TTLL9: variants seen among roughly 807,000 people sequenced by gnomAD.
The protein encoded by TTLL9 is probable tubulin polyglutamylase TTLL9.
In TTLL9, 47 loss-of-function variants were observed where a neutral mutation model predicts 65.6. That is an observed-to-expected ratio of 0.72 (90% CI 0.57 to 0.91). The LOEUF (loss-of-function observed/expected upper bound fraction) is 0.91. Ranked by LOEUF, TTLL9 falls within the 40% of genes least tolerant of loss-of-function variation. The pLI, the probability that TTLL9 is intolerant of heterozygous loss-of-function variation, is 0.00. For missense variants in TTLL9, 537 were observed against 568.8 expected (o/e 0.94, Z 0.57); for synonymous variants, 179 against 204.8 (o/e 0.87, Z 1.07).
At position 31,870,744 on chromosome 20, in the gene TTLL9, C is replaced by A; in HGVS notation, c.-211C>A. The A allele has an allele frequency of 1.9e-6, 1 of 521,022 alleles. No individual in the cohort carries two copies. Among genetic ancestry groups the A allele is most frequent in the Non-Finnish European group, 3.1e-6 (1 of 327,096 alleles). 32.3% of individuals were successfully genotyped at this position (521,022 alleles called of 1,614,324 possible). The stretch of plus-strand genomic sequence containing the variant: ...CTTACCCCACCCTGGCACCGGCAGG[C>A]GCGGGCGGATGGGGGGATGTCGCCT... On this transcript the variant is annotated 5_prime_UTR_variant, in exon 1 of 15. Transcript: ENST00000535842. The surrounding 1 kb of genome is among the most constrained non-coding windows in gnomAD (Gnocchi z 6.6).
intron 2 of TTLL9, among the ~76,000 whole-genome samples, chr20:31,873,720 AAG>A (rs1426101706): frequency 4.3e-4 from 62 of 144,150 alleles, no homozygotes; most frequent in Non-Finnish European, 7.0e-4. Context: ...GAAAGAAAGA[AAG>A]AAAGAAAGAA....
At chr20:31,896,429 G>C (rs2063389915) in intron 3 of TTLL9, among the ~76,000 whole-genome samples, 1 of 152,166 alleles carries the variant, frequency 6.6e-6, no homozygotes, top group African/African-American at 2.4e-5. Context: ...AAATGAATGA[G>C]TGTTTAATTT....
intron 3 of TTLL9, 87 bp downstream of exon 3, chr20:31,887,326 C>T (rs2063207315): frequency 3.6e-6 from 5 of 1,383,476 alleles, no homozygotes; most frequent in Non-Finnish European, 5.1e-6. Context: ...CCCTTTTCTA[C>T]TTCAACAATT....
intron 7 of TTLL9, among the ~76,000 whole-genome samples, chr20:31,920,877 G>T (rs1370947584): frequency 6.6e-6 from 1 of 152,252 alleles, no homozygotes. Flanking sequence ...ACCCCATCAA[G>T]TGTGTGACCC....
Position 31,936,472 on chromosome 20 carries a change from T to TA in TTLL9, c.1005-911dup, listed in dbSNP as rs879370062. Among the ~76,000 whole-genome samples, 455 of 143,136 alleles carry TA rather than the reference T, an allele frequency of 3.2e-3. 2 individuals are homozygous for TA. Among genetic ancestry groups the TA allele is most frequent in the Non-Finnish European group, 4.1e-3 (264 of 65,062 alleles). 93.9% of individuals were successfully genotyped at this position (143,136 alleles called of 152,430 possible). A position where few individuals can be genotyped will look rare whatever the true frequency, so the allele number is the denominator to read the frequency against. Reference sequence around the variant, plus strand: ...GTGACAGAACTGGATTCTGACTCTTTAAAAAAAAAAAAAGTCTATTTTTGG... The same window carrying TA: ...GTGACAGAACTGGATTCTGACTCTTTAAAAAAAAAAAAAAGTCTATTTTTGG... On this transcript the variant is annotated intron_variant, in intron 12 of 14. Coordinates refer to ENST00000535842, the MANE Select transcript of TTLL9 (RefSeq NM_001008409.5).
chr20:31,907,438 C>T (rs1977093), intron 4 of TTLL9, among the ~76,000 whole-genome samples: 1 of 152,064 alleles, frequency 6.6e-6, no homozygotes, highest in Admixed American at 6.6e-5. Flanking sequence ...AAAGCCACTG[C>T]AGGCCGGGCA....
At chr20:31,942,043 A>G (rs2064219127) in intron 14 of TTLL9, among the ~76,000 whole-genome samples, 1 of 152,188 alleles carries the variant, frequency 6.6e-6, no homozygotes, top group Non-Finnish European at 1.5e-5. Flanking sequence ...TTAGGGCTGC[A>G]TGGAACTCAC....
In TTLL9 at chr20:31,925,901, G is replaced by A. The variant is rs546119339; in HGVS notation, c.706-148G>A. On this transcript the variant is annotated intron_variant, in intron 9 of 14. Coordinates refer to ENST00000535842, the MANE Select transcript of TTLL9 (RefSeq NM_001008409.5). ...ATCCCGCTGCGGGCCTGGCTCTACC[G>A]GGATGGCTTTGCCCGATTCTCCAAC... The A allele has an allele frequency of 2.1e-5, 32 of 1,551,950 alleles. 1 individual carries two copies. The highest frequency in any genetic ancestry group is 1.3e-4 in the South Asian group (11 of 84,070).
At chr20:31,901,358 G>A (rs757043043) in intron 4 of TTLL9, 1 of 152,186 alleles carries the variant, frequency 6.6e-6, no homozygotes, top group South Asian at 2.1e-4. Context: ...TTTCTCCAAT[G>A]TGGGAAACTC....
intron 2 of TTLL9, chr20:31,879,771 C>T: frequency 2.0e-6 from 3 of 1,529,920 alleles, no homozygotes; most frequent in South Asian, 1.2e-5. Context: ...GCCCTTGGCT[C>T]ATCCAATCAG....
intron 3 of TTLL9, among the ~76,000 whole-genome samples, chr20:31,898,085 G>C (rs77836593): frequency 0.044 from 6,640 of 152,238 alleles, 187 homozygotes; most frequent in African/African-American, 0.067. Flanking sequence ...TTGTTTTATA[G>C]ATAGTATCTT....
In TTLL9 at chr20:31,934,823, C is replaced by A. The variant is rs1288882066; in HGVS notation, c.939C>A (p.Ile313=). The A allele has an allele frequency of 6.2e-7, 1 of 1,614,028 alleles. No individual in the cohort carries two copies. The highest frequency in any genetic ancestry group is 1.3e-5 in the African/African-American group (1 of 75,046). ...GCCTGCAGAGTGTGCAGAAGGTGAT[C>A]ATCAGTGACAAGCACTGCTTCGAGC... ...VKSLQSVQKV[I]ISDKHCFELY... is the part of the protein sequence containing the mutation. Residue 313 remains isoleucine (I), a synonymous_variant, in exon 12 of 15, where the codon ATC becomes ATA. Coordinates refer to ENST00000535842, the MANE Select transcript of TTLL9 (RefSeq NM_001008409.5).
chr20:31,890,789 T>G (rs538779246), intron 3 of TTLL9, among the ~76,000 whole-genome samples: 4 of 152,180 alleles, frequency 2.6e-5, no homozygotes, highest in Non-Finnish European at 5.9e-5. Flanking sequence ...CGTCACTGGT[T>G]GTATGCTGTT....
At chr20:31,874,480 C>T (rs1009405157) in intron 2 of TTLL9, among the ~76,000 whole-genome samples, 1 of 147,840 alleles carries the variant, frequency 6.8e-6, no homozygotes, top group Admixed American at 6.9e-5. Context: ...GGTGCAATCT[C>T]GGCTCAGTGC....
In TTLL9 at chr20:31,943,025, C is replaced by G. The variant is rs2064242952; in HGVS notation, c.*4C>G. On this transcript the variant is annotated 3_prime_UTR_variant, in exon 15 of 15. Coordinates refer to ENST00000535842, the MANE Select transcript of TTLL9 (RefSeq NM_001008409.5). Reference sequence around the variant, plus strand: ...TCAGAAGAAAGCTTCCAGTTGATCCCCAGCTGCCAGGAGGAAATCAGCCTT... The same window carrying G: ...TCAGAAGAAAGCTTCCAGTTGATCCGCAGCTGCCAGGAGGAAATCAGCCTT... 7.4e-6 allele frequency: 12 copies of G among 1,613,754 alleles called. No individual in the cohort carries two copies. Among genetic ancestry groups the G allele is most frequent in the African/African-American group, 1.3e-5 (1 of 74,916 alleles).
chr20:31,872,881 A>C (rs528432053), intron 2 of TTLL9: 15 of 443,230 alleles, frequency 3.4e-5, no homozygotes, highest in South Asian at 2.4e-4. Context: ...GCAGGAGCAC[A>C]TATGGCCATG....
At chr20:31,883,281 T>C (rs1478266320) in intron 2 of TTLL9, among the ~76,000 whole-genome samples, 1 of 150,844 alleles carries the variant, frequency 6.6e-6, no homozygotes, top group Non-Finnish European at 1.5e-5. Flanking sequence ...TACTGCAAGC[T>C]CCACCTCCTG....
rs1347590394 is a variant in TTLL9 at position 31,908,606 on chromosome 20, T to A, written c.222T>A (p.Asp74Glu). ...CCACCCCCAGCGAAGGGGAGTGGGA[T>A]TTCTACTGGTGTGACGTCAGCTGGC... is the stretch of plus-strand genomic sequence containing the variant. ...WVEVKDEGEWDFYWCDVSWLR... is the reference protein window; with the variant it reads ...WVEVKDEGEWEFYWCDVSWLR... Residue 74 changes from aspartate to glutamate, a missense_variant, in exon 5 of 15, where the codon GAT (aspartate) becomes GAA (glutamate). Asp to Glu is a conservative substitution (Grantham distance 45, BLOSUM62 2). Transcript: ENST00000535842. The A allele has an allele frequency of 7.4e-6, 12 of 1,613,498 alleles. No individual in the cohort carries two copies. The highest frequency in any genetic ancestry group is 6.7e-5 in the East Asian group (3 of 44,848).
In TTLL9 at chr20:31,904,647, C is replaced by T. The variant is rs1004285163; in HGVS notation, c.207-3944C>T. On this transcript the variant is annotated intron_variant, in intron 4 of 14. Coordinates refer to ENST00000535842, the MANE Select transcript of TTLL9 (RefSeq NM_001008409.5). ...TGCTGGGATTACTGGCTTGAGCCAC[C>T]GTGCCTGGCCTTTTTTAAGGATTCT... Among the ~76,000 whole-genome samples, 6 of 152,220 alleles carry T rather than the reference C, an allele frequency of 3.9e-5. No individual in the cohort carries two copies. The South Asian group carries it at 8.3e-4, about 21-fold the overall frequency.
Sources: allele counts gnomAD v4.1 joint callset (sites outside exome capture counted in the v4.1 genomes callset), GRCh38; gene constraint gnomAD v4.1.1; non-coding constraint Gnocchi (gnomAD v3.1); transcripts MANE v1.5; gene names NCBI Gene and HGNC (gene_info 2026-07-23, HGNC 2026-07-21).